Variants in CEP128 observed in about 807,000 individuals in gnomAD.
CEP128 encodes centrosomal protein 128.
In CEP128, 132 loss-of-function variants were observed where a neutral mutation model predicts 156.7. The ratio of observed to expected loss-of-function variants is 0.84; its 90% CI spans 0.73 to 0.97. CEP128 has a LOEUF of 0.97. CEP128 is among the 50% of genes least tolerant of loss of function. The probability of loss-of-function intolerance (pLI) is 0.00; values close to 1 mark genes in which losing one functional copy is unlikely to be tolerated. For synonymous variants in CEP128, 469 were observed against 448.9 expected (o/e 1.04, Z -0.57); for missense variants, 1,252 against 1,281.9 (o/e 0.98, Z 0.36).
chr14:80,792,745 A>AT lies in CEP128; in HGVS notation c.1560+14dup. 6.2e-7 allele frequency: 1 copy of AT among 1,601,856 alleles called. No individual in the cohort carries two copies. Among genetic ancestry groups the AT allele is most frequent in the Non-Finnish European group, 8.5e-7 (1 of 1,169,700 alleles). On this transcript the variant is annotated intron_variant, in intron 14 of 24. Coordinates refer to ENST00000555265, the MANE Select transcript of CEP128 (RefSeq NM_152446.5). Reference sequence around the variant, plus strand: ...TCACATTGAAAACCGTTCCTTAGGAATGTGGCTTTTATACCTGATTATTCT... The same window carrying AT: ...TCACATTGAAAACCGTTCCTTAGGAATTGTGGCTTTTATACCTGATTATTCT...
At position 80,923,651 on chromosome 14, in the gene CEP128, AAAG is replaced by A. The variant is rs549675981; in HGVS notation, c.-15-7092_-15-7090del. ...GTCCCTGCCCAAGGTAATCATCCTC[AAAG>A]AAGATGCTCAAGGTAATTGTGTTGA... On this transcript the variant is annotated intron_variant, in intron 2 of 24. Coordinates refer to ENST00000555265, the MANE Select transcript of CEP128 (RefSeq NM_152446.5). Among the ~76,000 whole-genome samples the A allele has an allele frequency of 1.7e-3, 254 of 152,318 alleles. 2 individuals are homozygous for A. The highest frequency in any genetic ancestry group is 5.7e-3 in the African/African-American group (235 of 41,562).
chr14:80,929,235 T>A (rs1885316971), intron 2 of CEP128, among the ~76,000 whole-genome samples: 1 of 152,204 alleles, frequency 6.6e-6, no homozygotes, highest in Non-Finnish European at 1.5e-5. Flanking sequence ...TTGGTGTGGA[T>A]GTAATGAAAT....
intron 21 of CEP128, among the ~76,000 whole-genome samples, chr14:80,550,218 G>C (rs1320658232): frequency 2.6e-5 from 4 of 152,150 alleles, no homozygotes. Flanking sequence ...TTGAAAATAA[G>C]GGAGATAAGA....
chr14:80,711,200 A>G (rs933672876), intron 19 of CEP128, among the ~76,000 whole-genome samples: 2 of 152,094 alleles, frequency 1.3e-5, no homozygotes, highest in Non-Finnish European at 2.9e-5. Flanking sequence ...TAACTACTCT[A>G]AAATAATCCT....
intron 23 of CEP128, among the ~76,000 whole-genome samples, chr14:80,508,510 T>C (rs905402901): frequency 1.3e-5 from 2 of 152,180 alleles, no homozygotes. Context: ...GGTTATATAG[T>C]ATTTTATTTT....
rs184938339 is a variant in CEP128, at chr14:80,664,510, A to T, written c.2806+78565T>A. Among the ~76,000 whole-genome samples the T allele has an allele frequency of 1.4e-3, 219 of 152,144 alleles. 1 individual carries two copies. Among genetic ancestry groups the T allele is most frequent in the Admixed American group, 2.4e-3 (36 of 15,278 alleles). The stretch of plus-strand genomic sequence containing the variant: ...TGAGGGCAAAAAAAAAAAATACTGT[A>T]TTAATTATTGACCACATAGGACCCT... On this transcript the variant is annotated intron_variant, in intron 19 of 24. Transcript: ENST00000555265.
intron 19 of CEP128, among the ~76,000 whole-genome samples, chr14:80,732,598 C>A (rs563000048): frequency 4.0e-5 from 6 of 150,260 alleles, no homozygotes; most frequent in Non-Finnish European, 8.9e-5. Flanking sequence ...AACACAAAAC[C>A]GAAATCGGTG....
At chr14:80,509,313 T>A (rs1888136088) in intron 23 of CEP128, among the ~76,000 whole-genome samples, 1 of 152,234 alleles carries the variant, frequency 6.6e-6, no homozygotes, top group Admixed American at 6.5e-5. Flanking sequence ...GCATTTGTTA[T>A]TGCCTGTCTT....
intron 19 of CEP128, among the ~76,000 whole-genome samples, chr14:80,664,869 T>C (rs573850354): frequency 1.2e-4 from 18 of 152,204 alleles, no homozygotes; most frequent in African/African-American, 3.6e-4. Context: ...GAGAACAGAG[T>C]GAAAATCTAC....
intron 9 of CEP128, among the ~76,000 whole-genome samples, chr14:80,858,630 T>A (rs113872766): frequency 7.0e-6 from 1 of 142,968 alleles, no homozygotes; most frequent in Admixed American, 7.0e-5. Context: ...TGGGAGAAAA[T>A]TTTCGCAACC....
In CEP128 at chr14:80,862,742, G is replaced by A. The variant is rs764029296; in HGVS notation, c.762+15C>T. 6.1e-6 allele frequency: 9 copies of A among 1,482,354 alleles called. No homozygotes were observed. Among genetic ancestry groups the A allele is most frequent in the Admixed American group, 5.1e-5 (3 of 59,352 alleles). The allele number at this position is 1,482,354 out of a possible 1,614,324, so 91.8% of individuals were successfully genotyped here. ...AATTCAAGATTTACATTCCATGAAAGTGTTTTTCACAAACCTCCTGTAGCT... is the reference window on the plus strand; with the variant it reads ...AATTCAAGATTTACATTCCATGAAAATGTTTTTCACAAACCTCCTGTAGCT... On this transcript the variant is annotated intron_variant, in intron 9 of 24. Transcript: ENST00000555265.
upstream of CEP128, among the ~76,000 whole-genome samples, chr14:80,946,329 TGATGATG>T (rs1886343244): frequency 3.1e-5 from 2 of 65,452 alleles, no homozygotes; most frequent in South Asian, 6.7e-4. Context: ...TGATGCATCA[TGATGATG>T]CCTCATGATG....
At chr14:80,722,128 G>A (rs897116052) in intron 19 of CEP128, among the ~76,000 whole-genome samples, 5 of 152,130 alleles carry the variant, frequency 3.3e-5, no homozygotes, top group African/African-American at 1.2e-4. Flanking sequence ...TTGTTTCAGA[G>A]CATGGACACT....
intron 19 of CEP128, among the ~76,000 whole-genome samples, chr14:80,638,382 C>T (rs1017296647): frequency 6.6e-6 from 1 of 152,088 alleles, no homozygotes; most frequent in Non-Finnish European, 1.5e-5. Flanking sequence ...CCCAAAGAAG[C>T]AATGCTGTGT....
At chr14:80,897,160 C>T (rs1215994503) in intron 7 of CEP128, among the ~76,000 whole-genome samples, 1 of 152,184 alleles carries the variant, frequency 6.6e-6, no homozygotes, top group African/African-American at 2.4e-5. Flanking sequence ...GAGCAAACTG[C>T]AAGAACCTGA....
chr14:80,952,450 C>G (rs1886486790), intron 2 of CEP128, among the ~76,000 whole-genome samples: 1 of 151,978 alleles, frequency 6.6e-6, no homozygotes, highest in African/African-American at 2.4e-5. Context: ...GTATTTTAAA[C>G]TGAATACAAA....
chr14:80,606,640 G>A (rs1464795650), intron 19 of CEP128, among the ~76,000 whole-genome samples: 3 of 152,092 alleles, frequency 2.0e-5, no homozygotes, highest in Non-Finnish European at 4.4e-5. Context: ...AGTAGAAAAT[G>A]TTATCTTTGT....
chr14:80,855,653 GTAA>G (rs145181032), intron 9 of CEP128, among the ~76,000 whole-genome samples: 7,967 of 152,200 alleles, frequency 0.052, 271 homozygotes, highest in Middle Eastern at 0.11. Context: ...CCTTGAAAAG[GTAA>G]GCAAAGGCGA....
intron 8 of CEP128, among the ~76,000 whole-genome samples, chr14:80,887,017 A>T (rs1888840056): frequency 6.6e-6 from 1 of 152,216 alleles, no homozygotes; most frequent in East Asian, 1.9e-4. Flanking sequence ...AAACAAAAAG[A>T]TCAAAAAAGA....
Sources: allele counts gnomAD v4.1 joint callset (sites outside exome capture counted in the v4.1 genomes callset), GRCh38; gene constraint gnomAD v4.1.1; transcripts MANE v1.5; gene names NCBI Gene and HGNC (gene_info 2026-07-23, HGNC 2026-07-21).